Variants in ARHGAP6 observed in about 807,000 individuals in gnomAD.
ARHGAP6 encodes rho GTPase-activating protein 6.
In ARHGAP6, 16 loss-of-function variants were observed where a neutral mutation model predicts 55.7. That is an observed-to-expected ratio of 0.29 (90% CI 0.19 to 0.44). The LOEUF is 0.44. Ranked by LOEUF, ARHGAP6 falls within the 20% of genes least tolerant of loss-of-function variation. The pLI is 1.00. For synonymous variants in ARHGAP6, 382 were observed against 360.9 expected, an observed-to-expected ratio of 1.06 and a Z score of -0.66; for missense variants, 698 against 808.9, an observed-to-expected ratio of 0.86 and a Z score of 1.66.
chrX:11,169,852 T>TAATA (rs1456556921), intron 8 of ARHGAP6, among the ~76,000 whole-genome samples, 168 bp from the exon 9 acceptor site: 1 of 110,705 alleles, frequency 9.0e-6, no homozygotes, highest in Non-Finnish European at 1.9e-5. Flanking sequence ...CCTTTTGCTT[T>TAATA]AATATCTTGG....
intron 1 of ARHGAP6, among the ~76,000 whole-genome samples, chrX:11,354,317 C>CTA (rs2048903592): frequency 1.5e-5 from 1 of 68,348 alleles, no homozygotes; most frequent in Non-Finnish European, 2.7e-5. Flanking sequence ...CTCTCTCTCT[C>CTA]TCTCTCTCTC....
At chrX:11,485,754 A>T (rs1281760150) in intron 1 of ARHGAP6, among the ~76,000 whole-genome samples, 3 of 111,691 alleles carry the variant, frequency 2.7e-5, no homozygotes, top group Non-Finnish European at 5.6e-5. Flanking sequence ...CAGTTGCTAC[A>T]TCTCTTCAAT....
intron 1 of ARHGAP6, among the ~76,000 whole-genome samples, chrX:11,419,756 T>C (rs1234156846): frequency 8.9e-6 from 1 of 112,311 alleles, no homozygotes; most frequent in African/African-American, 3.2e-5. Flanking sequence ...TGGACTGGCT[T>C]ATACATTTCT....
At chrX:11,476,398 G>C (rs2050403582) in intron 1 of ARHGAP6, among the ~76,000 whole-genome samples, 1 of 111,397 alleles carries the variant, frequency 9.0e-6, no homozygotes, top group Non-Finnish European at 1.9e-5. Flanking sequence ...AAAGAAAAAA[G>C]ACAAATAAAT....
intron 1 of ARHGAP6, among the ~76,000 whole-genome samples, chrX:11,440,917 T>C (rs746301365): frequency 2.2e-4 from 25 of 112,000 alleles, no homozygotes; most frequent in Non-Finnish European, 4.5e-4. Context: ...TAATCATTCA[T>C]CGGGCCCAGA....
intron 1 of ARHGAP6, among the ~76,000 whole-genome samples, chrX:11,585,069 A>G (rs772261970): frequency 8.9e-6 from 1 of 112,002 alleles, no homozygotes; most frequent in Non-Finnish European, 1.9e-5. Context: ...GCTAAGGATA[A>G]TGGCCTCCAG....
intron 1 of ARHGAP6, among the ~76,000 whole-genome samples, chrX:11,428,984 AC>A (rs2049917131): frequency 9.0e-6 from 1 of 111,401 alleles, no homozygotes; most frequent in South Asian, 3.9e-4. Flanking sequence ...CCCTAGATAT[AC>A]AGAGTACAAT....
At chrX:11,555,801 G>A (rs915557713) in intron 1 of ARHGAP6, among the ~76,000 whole-genome samples, 1 of 111,135 alleles carries the variant, frequency 9.0e-6, no homozygotes, top group Non-Finnish European at 1.9e-5. Context: ...AAGCATTCCA[G>A]GCAGAGGGAA....
At chrX:11,181,949 G>GT (rs1416778302) in intron 6 of ARHGAP6, 114 bp downstream of exon 6, 42 of 504,837 alleles carry the variant, frequency 8.3e-5, no homozygotes, top group Non-Finnish European at 1.2e-4. Context: ...AGCTTGGAGG[G>GT]TAAAAAAAAA....
At chrX:11,245,506 C>T (rs2047341040) in intron 2 of ARHGAP6, among the ~76,000 whole-genome samples, 1 of 111,896 alleles carries the variant, frequency 8.9e-6, no homozygotes, top group Admixed American at 9.5e-5. Context: ...CTGAGAGCCA[C>T]AGCAAAGATC....
At chrX:11,401,909 A>G (rs929974183) in intron 1 of ARHGAP6, among the ~76,000 whole-genome samples, 6 of 112,551 alleles carry the variant, frequency 5.3e-5, no homozygotes, top group African/African-American at 1.6e-4. Flanking sequence ...ACATATATAC[A>G]TATAAATAAT....
At chrX:11,287,227 C>G (rs939009216) in intron 1 of ARHGAP6, among the ~76,000 whole-genome samples, 2 of 111,970 alleles carry the variant, frequency 1.8e-5, no homozygotes, top group African/African-American at 6.5e-5. Flanking sequence ...GAATGCAACC[C>G]TATATTTCAC....
chrX:11,285,736 C>T (rs970961765), intron 1 of ARHGAP6, among the ~76,000 whole-genome samples: 1 of 112,162 alleles, frequency 8.9e-6, no homozygotes, highest in Admixed American at 9.4e-5. Context: ...TTCTTTAGCC[C>T]GTTTATTTAC....
intron 2 of ARHGAP6, among the ~76,000 whole-genome samples, chrX:11,216,055 T>C (rs767901604): frequency 3.6e-5 from 4 of 111,153 alleles, no homozygotes; most frequent in Non-Finnish European, 7.5e-5. Context: ...CGCAAAGAGC[T>C]TGCAAAAATG....
At chrX:11,392,944 C>T (rs931463966) in intron 1 of ARHGAP6, among the ~76,000 whole-genome samples, 1 of 111,690 alleles carries the variant, frequency 9.0e-6, no homozygotes, top group African/African-American at 3.2e-5. Context: ...CAACCCTACA[C>T]CCTACTTTCT....
At chrX:11,629,878 A>G (rs2052341445) in intron 1 of ARHGAP6, among the ~76,000 whole-genome samples, 1 of 111,936 alleles carries the variant, frequency 8.9e-6, no homozygotes, top group East Asian at 2.8e-4. Context: ...AGAACCAGCC[A>G]GATTTCCAAA....
intron 1 of ARHGAP6, among the ~76,000 whole-genome samples, chrX:11,415,263 A>T: frequency 9.0e-6 from 1 of 111,691 alleles, no homozygotes; most frequent in Non-Finnish European, 1.9e-5. Context: ...GAGTGTCGCA[A>T]TTCTGTTTAA....
intron 10 of ARHGAP6, among the ~76,000 whole-genome samples, chrX:11,154,234 T>C (rs185681486): frequency 2.2e-4 from 25 of 111,773 alleles, no homozygotes; most frequent in African/African-American, 8.1e-4. Context: ...TTTGGGTTGG[T>C]TCCAAGTCTT....
At chrX:11,276,787 G>C (rs1308256440) in intron 1 of ARHGAP6, among the ~76,000 whole-genome samples, 4 of 112,129 alleles carry the variant, frequency 3.6e-5, no homozygotes, top group Middle Eastern at 4.6e-3. Context: ...CTTTTGCTCT[G>C]ATGTATAGAA....
Sources: gnomAD v4.1 joint callset for allele counts (sites outside exome capture counted in the v4.1 genomes callset) on GRCh38, gnomAD v4.1.1 for gene constraint, MANE v1.5 for transcripts, NCBI Gene and HGNC (gene_info 2026-07-23, HGNC 2026-07-21) for gene names.